KY: variants seen among roughly 807,000 people sequenced by gnomAD.
KY encodes the protein kyphoscoliosis peptidase.
Under a neutral mutation model 76.1 loss-of-function variants are expected in KY, and 43 were observed. That is an observed-to-expected ratio of 0.57 (90% CI 0.44 to 0.73). The LOEUF (loss-of-function observed/expected upper bound fraction) is 0.73, where lower values mean the gene tolerates loss of function less well. Ranked by LOEUF, KY falls within the 30% of genes least tolerant of loss-of-function variation. The pLI is 0.00. For synonymous variants in KY, 277 were observed against 326.2 expected, an observed-to-expected ratio of 0.85 and a Z score of 1.63; for missense variants, 722 against 828.9, an observed-to-expected ratio of 0.87 and a Z score of 1.58.
At position 134,625,032 on chromosome 3, in the gene KY, C is replaced by G. The variant is rs563533807; in HGVS notation, c.483+21G>C. 388 of 1,575,178 alleles carry G rather than the reference C, an allele frequency of 2.5e-4. 5 individuals carry two copies. In the South Asian group the frequency reaches 4.4e-3, roughly 18 times the overall value. On this transcript the variant is annotated intron_variant, in intron 6 of 10. Transcript: ENST00000423778. Reference sequence around the variant, plus strand: ...AAGCCACCTTGAAGGGGCCCATGGTCAGAGCGGCCAGCTGTCCTACCTGTG... The same window carrying G: ...AAGCCACCTTGAAGGGGCCCATGGTGAGAGCGGCCAGCTGTCCTACCTGTG...
At chr3:134,614,510 A>T (rs907053315) in intron 8 of KY, among the ~76,000 whole-genome samples, 4 of 151,948 alleles carry the variant, frequency 2.6e-5, no homozygotes, top group Non-Finnish European at 5.9e-5. Context: ...CCAATCAGAG[A>T]AGCCCCAAGG....
At chr3:134,613,858 T>C (rs902922758) in intron 8 of KY, among the ~76,000 whole-genome samples, 2 of 152,306 alleles carry the variant, frequency 1.3e-5, no homozygotes, top group African/African-American at 4.8e-5. Context: ...GAGTTTTGTC[T>C]CCAGCCACTC....
Position 134,604,137 on chromosome 3 carries a change from G to A in KY, c.1428C>T (p.Ser476=), listed in dbSNP as rs747227855. Residue 476 remains serine (S), a synonymous_variant, in exon 11 of 11, where the codon AGC becomes AGT. Coordinates refer to ENST00000423778, the MANE Select transcript of KY (RefSeq NM_178554.6). The stretch of plus-strand genomic sequence containing the variant: ...TGAAGCTGATGGAGCAGCGCCCGTC[G>A]CTGGTGTGGATGATAGGGTCAGGGT... The part of the protein sequence containing the change: ...PSHPDPIIHT[S]DGRCSISFSV... 21 of 1,607,820 alleles carry A rather than the reference G, an allele frequency of 1.3e-5. No homozygotes were observed. Among genetic ancestry groups the A allele is most frequent in the African/African-American group, 1.1e-4 (8 of 74,850 alleles).
At chr3:134,611,540 C>T (rs1395273646) in intron 8 of KY, among the ~76,000 whole-genome samples, 5 of 152,250 alleles carry the variant, frequency 3.3e-5, no homozygotes, top group African/African-American at 9.6e-5. Context: ...GTTCCCCTTC[C>T]TCAAGACATT....
chr3:134,606,885 A>G (rs2107749963), intron 10 of KY: 1 of 978,928 alleles, frequency 1.0e-6, no homozygotes, highest in Non-Finnish European at 1.2e-6. Context: ...CCCCTTATCT[A>G]GGTGCCCTCT....
At chr3:134,645,676 G>A (rs905509964) in intron 2 of KY, among the ~76,000 whole-genome samples, 2 of 152,098 alleles carry the variant, frequency 1.3e-5, no homozygotes, top group African/African-American at 4.8e-5. Flanking sequence ...TTTTTTCTGG[G>A]CTCAGGGCCT....
chr3:134,610,929 C>A (rs1218864948), intron 8 of KY, among the ~76,000 whole-genome samples: 2 of 152,272 alleles, frequency 1.3e-5, no homozygotes, highest in African/African-American at 4.8e-5. Flanking sequence ...CAAGCCCTAC[C>A]CCCCTGCTAT....
At chr3:134,639,408 G>T (rs935313579) in intron 3 of KY, among the ~76,000 whole-genome samples, 1 of 152,176 alleles carries the variant, frequency 6.6e-6, no homozygotes, top group African/African-American at 2.4e-5. Context: ...GGCATCTGCT[G>T]GTGTGCATGA....
intron 9 of KY, 113 bp from the exon 10 acceptor site, chr3:134,608,952 C>T (rs1249686512): frequency 5.6e-6 from 7 of 1,247,768 alleles, no homozygotes; most frequent in South Asian, 1.5e-5. Context: ...GCACCATCTC[C>T]GACCCTAACA....
intron 1 of KY, among the ~76,000 whole-genome samples, chr3:134,648,105 G>A (rs985309868): frequency 7.9e-5 from 12 of 152,248 alleles, no homozygotes; most frequent in African/African-American, 2.9e-4. Flanking sequence ...GTAGCCGCAA[G>A]GTCGAGTTCC....
chr3:134,650,634 G>C (rs1038012287), intron 1 of KY, among the ~76,000 whole-genome samples, 191 bp downstream of exon 1: 2 of 152,124 alleles, frequency 1.3e-5, no homozygotes, highest in South Asian at 2.1e-4. Flanking sequence ...GGGGCTGCGC[G>C]TTGCCACGGG....
Position 134,616,026 on chromosome 3 carries a change from G to A in KY, c.710+3122C>T, listed in dbSNP as rs1449054234. On this transcript the variant is annotated intron_variant, in intron 8 of 10. Coordinates refer to ENST00000423778, the MANE Select transcript of KY (RefSeq NM_178554.6). ...AAACCTGCTAGCTGGTGATGCTAAA[G>A]CCATGCTAACGGGAAGAGAATTTAC... is the stretch of plus-strand genomic sequence containing the variant. Among the ~76,000 whole-genome samples the A allele has an allele frequency of 4.6e-5, 7 of 152,370 alleles. No homozygotes were observed. The East Asian group carries it at 1.3e-3, about 29-fold the overall frequency.
At chr3:134,623,278 T>TC (rs1290089644) in intron 6 of KY, among the ~76,000 whole-genome samples, 1 of 152,082 alleles carries the variant, frequency 6.6e-6, no homozygotes. Flanking sequence ...GCCTGACCCA[T>TC]CCCTTCCGAT....
chr3:134,650,719 C>T, intron 1 of KY, 106 bp downstream of exon 1: 1 of 1,113,302 alleles, frequency 9.0e-7, no homozygotes. Flanking sequence ...GTCGGGTTCG[C>T]TGACCTCGTT....
At chr3:134,616,767 G>A (rs1490729512) in intron 8 of KY, among the ~76,000 whole-genome samples, 1 of 152,202 alleles carries the variant, frequency 6.6e-6, no homozygotes, top group African/African-American at 2.4e-5. Context: ...AATCTATGTA[G>A]GCTGGCAGAG....
At chr3:134,632,876 G>C (rs1029639971) in intron 3 of KY, among the ~76,000 whole-genome samples, 2 of 151,844 alleles carry the variant, frequency 1.3e-5, no homozygotes, top group Non-Finnish European at 2.9e-5. Context: ...AAAAAAAAGA[G>C]GCAAGACACA....
intron 3 of KY, among the ~76,000 whole-genome samples, chr3:134,637,623 T>C (rs1965145452): frequency 6.6e-6 from 1 of 152,208 alleles, no homozygotes. Context: ...AACAAATCTC[T>C]TCCCCAAACT....
chr3:134,619,349 C>T lies in KY; in HGVS notation c.593-84G>A. The T allele has an allele frequency of 3.0e-6, 3 of 1,004,122 alleles. No individual in the cohort carries two copies. The South Asian group carries it at 3.8e-5, about 13-fold the overall frequency. The allele number at this position is 1,004,122 out of a possible 1,614,324, so 62.2% of individuals were successfully genotyped here. On this transcript the variant is annotated intron_variant, in intron 7 of 10. Coordinates refer to ENST00000423778, the MANE Select transcript of KY (RefSeq NM_178554.6). ...CCCCAACCCCCAGCTGTGCTCTGGCCATCACCAGCCCCAGGAAACTACAGT... is the reference window on the plus strand; with the variant it reads ...CCCCAACCCCCAGCTGTGCTCTGGCTATCACCAGCCCCAGGAAACTACAGT...
intron 8 of KY, among the ~76,000 whole-genome samples, chr3:134,611,799 C>T (rs1577617917): frequency 6.6e-6 from 1 of 152,312 alleles, no homozygotes; most frequent in East Asian, 1.9e-4. Context: ...CTCAGTTGCT[C>T]TAAACAAGAG....
Sources: allele counts gnomAD v4.1 joint callset (sites outside exome capture counted in the v4.1 genomes callset), GRCh38; gene constraint gnomAD v4.1.1; transcripts MANE v1.5; gene names NCBI Gene and HGNC (gene_info 2026-07-23, HGNC 2026-07-21).